GRB10: variants seen among roughly 807,000 people sequenced by gnomAD.
GRB10 encodes growth factor receptor-bound protein 10.
Under a neutral mutation model 80.9 loss-of-function variants are expected in GRB10, and 20 were observed. The observed-to-expected ratio is 0.25, with a 90% confidence interval of 0.17 to 0.36. The LOEUF (loss-of-function observed/expected upper bound fraction) is 0.36, where lower values mean the gene tolerates loss of function less well. Among genes scored for constraint, GRB10 ranks in the 10% least tolerant of loss-of-function variants. GRB10 has a pLI of 1.00. For synonymous variants in GRB10, 291 were observed against 291.5 expected (o/e 1.00, Z 0.02); for missense variants, 548 against 747.7 (o/e 0.73, Z 3.12).
chr7:50,666,242 C>G (rs950543741), intron 7 of GRB10, among the ~76,000 whole-genome samples: 1 of 152,330 alleles, frequency 6.6e-6, no homozygotes, highest in African/African-American at 2.4e-5. Context: ...GCTAAGCTCA[C>G]GAGAGCAGGG....
At chr7:50,758,098 A>C (rs918497164) in intron 2 of GRB10, among the ~76,000 whole-genome samples, 28 of 152,298 alleles carry the variant, frequency 1.8e-4, no homozygotes, top group African/African-American at 5.3e-4. Flanking sequence ...GATAAACTGA[A>C]GAGTTAGTAA....
In GRB10 at chr7:50,753,349, C is replaced by T. The variant is rs1013442856; in HGVS notation, c.-47+2538G>A. Among the ~76,000 whole-genome samples the T allele has an allele frequency of 4.6e-5, 7 of 152,344 alleles. 1 individual carries two copies. Among genetic ancestry groups the T allele is most frequent in the Admixed American group, 2.0e-4 (3 of 15,300 alleles). ...ATATCTTTCTACCAAAAATACATTCCTTGCAGGCAGGAGCTGGGGCCATCT... is the reference window on the plus strand; with the variant it reads ...ATATCTTTCTACCAAAAATACATTCTTTGCAGGCAGGAGCTGGGGCCATCT... On this transcript the variant is annotated intron_variant, in intron 3 of 18. Coordinates refer to ENST00000401949, the MANE Select transcript of GRB10 (RefSeq NM_001350814.2).
intron 4 of GRB10, among the ~76,000 whole-genome samples, chr7:50,724,336 G>T (rs560704463): frequency 5.4e-4 from 82 of 152,270 alleles, no homozygotes; most frequent in African/African-American, 1.9e-3. Context: ...GCAATGAATT[G>T]CCAGAAAGTA....
At chr7:50,606,289 C>T in intron 14 of GRB10, 48 bp downstream of exon 14, 1 of 1,418,384 alleles carries the variant, frequency 7.1e-7, no homozygotes, top group Non-Finnish European at 1.0e-6. Context: ...ACATGTGATG[C>T]AGAAGCTGAA....
At chr7:50,762,218 C>A (rs538634601) in intron 2 of GRB10, among the ~76,000 whole-genome samples, 2 of 151,620 alleles carry the variant, frequency 1.3e-5, no homozygotes, top group Non-Finnish European at 2.9e-5. Context: ...CCTCCCCAGC[C>A]CTTCTGCACA....
intron 7 of GRB10, among the ~76,000 whole-genome samples, chr7:50,649,216 C>T (rs1358295766): frequency 6.6e-6 from 1 of 152,128 alleles, no homozygotes; most frequent in African/African-American, 2.4e-5. Context: ...AAACAGAGAA[C>T]AAACAAAATA....
chr7:50,763,536 G>T (rs569708194), intron 2 of GRB10, among the ~76,000 whole-genome samples: 1 of 152,268 alleles, frequency 6.6e-6, no homozygotes, highest in East Asian at 1.9e-4. Flanking sequence ...AGACTCACAT[G>T]CATACACACG....
intron 1 of GRB10, 75 bp from the exon 2 acceptor site, chr7:50,780,811 C>T (rs1346776082): frequency 1.3e-5 from 2 of 152,194 alleles, no homozygotes; most frequent in Non-Finnish European, 2.9e-5. Flanking sequence ...AGTACATACT[C>T]CAAGAAGCTG....
chr7:50,761,283 T>C (rs1562644225), intron 2 of GRB10, among the ~76,000 whole-genome samples: 1 of 152,256 alleles, frequency 6.6e-6, no homozygotes, highest in Non-Finnish European at 1.5e-5. Flanking sequence ...AGAAAACTTT[T>C]ACAATAATTG....
At chr7:50,691,178 A>T (rs1392881298) in intron 5 of GRB10, among the ~76,000 whole-genome samples, 1 of 152,216 alleles carries the variant, frequency 6.6e-6, no homozygotes, top group Non-Finnish European at 1.5e-5. Flanking sequence ...TTCAAGGCCA[A>T]GGAAAACTCA....
intron 5 of GRB10, among the ~76,000 whole-genome samples, chr7:50,685,257 C>T (rs975417395): frequency 4.6e-5 from 7 of 152,162 alleles, no homozygotes; most frequent in African/African-American, 1.2e-4. Flanking sequence ...CCTGCCACCT[C>T]GATGCAGTGA....
At chr7:50,636,461 A>T (rs977591946) in intron 7 of GRB10, among the ~76,000 whole-genome samples, 3 of 152,222 alleles carry the variant, frequency 2.0e-5, no homozygotes, top group African/African-American at 7.2e-5. Flanking sequence ...CCTTATAAAA[A>T]CATAGATGCA....
At chr7:50,633,343 G>C (rs541652304) in intron 7 of GRB10, among the ~76,000 whole-genome samples, 29 of 152,266 alleles carry the variant, frequency 1.9e-4, no homozygotes, top group African/African-American at 6.3e-4. Flanking sequence ...TAAAACTACA[G>C]AGAAGCCAAG....
intron 4 of GRB10, among the ~76,000 whole-genome samples, chr7:50,708,010 A>G (rs2065279864): frequency 6.6e-6 from 1 of 152,256 alleles, no homozygotes; most frequent in Non-Finnish European, 1.5e-5. Flanking sequence ...TAGCAAATAC[A>G]AATACAGGAT....
At chr7:50,689,715 G>A (rs2062561466) in intron 5 of GRB10, among the ~76,000 whole-genome samples, 2 of 152,074 alleles carry the variant, frequency 1.3e-5, no homozygotes, top group Admixed American at 1.3e-4. Context: ...AATTCATAGT[G>A]GGGAATATAA....
chr7:50,751,894 TAC>T (rs1268661133), intron 3 of GRB10, among the ~76,000 whole-genome samples: 2 of 152,178 alleles, frequency 1.3e-5, no homozygotes, highest in African/African-American at 2.4e-5. Context: ...CTAGGGGAAA[TAC>T]AGAGTTAGGT....
intron 8 of GRB10, among the ~76,000 whole-genome samples, chr7:50,625,026 C>G (rs2153589178): frequency 6.6e-6 from 1 of 152,224 alleles, no homozygotes; most frequent in Non-Finnish European, 1.5e-5. Context: ...CCTACAAATC[C>G]TGTGTGCTTA....
At chr7:50,785,079 A>G (rs1272438430), upstream of GRB10, among the ~76,000 whole-genome samples, 1 of 152,142 alleles carries the variant, frequency 6.6e-6, no homozygotes, top group African/African-American at 2.4e-5. Context: ...TAGCTGCCAT[A>G]TGAATCCCAC....
chr7:50,669,913 C>T, intron 6 of GRB10, 50 bp from the exon 7 acceptor site: 1 of 1,563,214 alleles, frequency 6.4e-7, no homozygotes, highest in Non-Finnish European at 8.7e-7. Context: ...CCCCACATGA[C>T]CCAGCCTTAC....
Sources: allele counts gnomAD v4.1 joint callset (sites outside exome capture counted in the v4.1 genomes callset), GRCh38; gene constraint gnomAD v4.1.1; transcripts MANE v1.5; gene names NCBI Gene and HGNC (gene_info 2026-07-23, HGNC 2026-07-21).